Variants in KIF1B observed in about 807,000 individuals in gnomAD.
KIF1B encodes the protein kinesin-like protein KIF1B.
KIF1B carries 76 observed loss-of-function variants against 241.9 expected under a neutral mutation model. The ratio of observed to expected loss-of-function variants is 0.31; its 90% CI spans 0.26 to 0.38. The LOEUF is 0.38. Among genes scored for constraint, KIF1B ranks in the 10% least tolerant of loss-of-function variants. The pLI is 1.00. For synonymous variants in KIF1B, 750 were observed against 796.7 expected, an observed-to-expected ratio of 0.94 and a Z score of 0.99; for missense variants, 1,622 against 2,271.4, an observed-to-expected ratio of 0.71 and a Z score of 5.81.
In KIF1B at chr1:10,303,768, C is replaced by G; in HGVS notation, c.2115+6522C>G. On this transcript the variant is annotated intron_variant, in intron 22 of 48. Transcript: ENST00000676179. The surrounding 1 kb of genome is among the most constrained non-coding windows in gnomAD (Gnocchi z 5.2). The stretch of plus-strand genomic sequence containing the variant: ...AAATGGAAAAAGTCTTGCCACTGAT[C>G]GGATCTCAGGAACAGAAAAGCCCAG... 3.1e-6 allele frequency: 5 copies of G among 1,614,116 alleles called. No individual in the cohort carries two copies. The highest frequency in any genetic ancestry group is 1.1e-5 in the South Asian group (1 of 91,054).
At chr1:10,345,569 T>G in intron 34 of KIF1B, 1 of 419,762 alleles carries the variant, frequency 2.4e-6, no homozygotes. Context: ...CATGAGCACA[T>G]TTATTCTACA....
In KIF1B at chr1:10,234,687, A is replaced by G. The variant is rs867106078; in HGVS notation, c.106+2253A>G. The stretch of plus-strand genomic sequence containing the variant: ...CAGGCATGTGCCACTATGCCTGGCT[A>G]GTTTTTTTCTATTTTCTGTAGAGAC... On this transcript the variant is annotated intron_variant, in intron 2 of 48. Coordinates refer to ENST00000676179, the MANE Select transcript of KIF1B (RefSeq NM_001365951.3). Among the ~76,000 whole-genome samples the G allele has an allele frequency of 1.4e-4, 21 of 151,586 alleles. No homozygotes were observed. The Middle Eastern group carries it at 0.017, about 123-fold the overall frequency.
Position 10,343,297 on chromosome 1 carries a change from C to G in KIF1B, c.3688+10C>G, listed in dbSNP as rs755222148. 1.2e-6 allele frequency: 2 copies of G among 1,613,770 alleles called. No homozygotes were observed. Among genetic ancestry groups the G allele is most frequent in the Admixed American group, 1.7e-5 (1 of 60,020 alleles). On this transcript the variant is annotated intron_variant, in intron 34 of 48. Transcript: ENST00000676179. ...CCACTGTCCAAGCCAGGTGAGCACT[C>G]GCTCCGCTTTTTGCATGATGATCTC...
chr1:10,381,565 C>T lies in KIF1B; in HGVS notation c.*4978C>T, dbSNP rs139825641. On this transcript the variant is annotated 3_prime_UTR_variant, in exon 49 of 49. Coordinates refer to ENST00000676179, the MANE Select transcript of KIF1B (RefSeq NM_001365951.3). ...CTTGCGTCACGGAGCTGTTAGTGAA[C>T]GAGGTAAAAATAATAAAGGTACAGC... is the stretch of plus-strand genomic sequence containing the variant. 6 of 194,052 alleles carry T rather than the reference C, an allele frequency of 3.1e-5. No homozygotes were observed. Among genetic ancestry groups the T allele is most frequent in the South Asian group, 1.9e-4 (1 of 5,140 alleles). The allele number at this position is 194,052 out of a possible 1,614,324, so 12.0% of individuals were successfully genotyped here. A position where few individuals can be genotyped will look rare whatever the true frequency, so the allele number is the denominator to read the frequency against.
chr1:10,253,310 A>G (rs1647574426), intron 2 of KIF1B, among the ~76,000 whole-genome samples: 1 of 152,092 alleles, frequency 6.6e-6, no homozygotes, highest in Non-Finnish European at 1.5e-5. Context: ...AATGGGGGTA[A>G]TGAAACATCT....
At chr1:10,215,155 TATATATATATA>T (rs1646747241) in intron 1 of KIF1B, among the ~76,000 whole-genome samples, 1 of 66,330 alleles carries the variant, frequency 1.5e-5, no homozygotes, top group African/African-American at 1.0e-4. Flanking sequence ...TATATATATA[TATATATATATA>T]TATATATTTT....
chr1:10,318,793 G>A (rs555463124), intron 22 of KIF1B, among the ~76,000 whole-genome samples: 1 of 152,244 alleles, frequency 6.6e-6, no homozygotes, highest in African/African-American at 2.4e-5. Flanking sequence ...GTATTGCGCT[G>A]TTTGAAGGTC....
chr1:10,337,882 A>G lies in KIF1B; in HGVS notation c.3422+349A>G, dbSNP rs933734838. ...TGTCTTATTAATAAGCCTGAAAGCA[A>G]TGACTTATCTAGCTAGCAATTACGC... On this transcript the variant is annotated intron_variant, in intron 31 of 48. Coordinates refer to ENST00000676179, the MANE Select transcript of KIF1B (RefSeq NM_001365951.3). The surrounding 1 kb of genome is among the most constrained non-coding windows in gnomAD (Gnocchi z 4.0). Among the ~76,000 whole-genome samples the G allele has an allele frequency of 4.6e-5, 7 of 152,162 alleles. No homozygotes were observed. The highest frequency in any genetic ancestry group is 2.1e-4 in the South Asian group (1 of 4,830).
chr1:10,360,315 T>C (rs1266229248), intron 38 of KIF1B, among the ~76,000 whole-genome samples: 1 of 152,158 alleles, frequency 6.6e-6, no homozygotes, highest in Non-Finnish European at 1.5e-5. Context: ...CTTATCCATT[T>C]CATCTTAATC....
At chr1:10,284,021 GT>G (rs1649563778) in intron 15 of KIF1B, among the ~76,000 whole-genome samples, 1 of 152,178 alleles carries the variant, frequency 6.6e-6, no homozygotes, top group South Asian at 2.1e-4. Flanking sequence ...GAAGAAAGAG[GT>G]TCTGCTTTTT....
intron 15 of KIF1B, among the ~76,000 whole-genome samples, chr1:10,288,856 T>C (rs1569719202): frequency 6.6e-6 from 1 of 152,214 alleles, no homozygotes; most frequent in South Asian, 2.1e-4. Flanking sequence ...GTTTTTTGTT[T>C]TGAGGTGACA....
chr1:10,309,911 G>GA (rs1650995049), intron 22 of KIF1B, among the ~76,000 whole-genome samples: 1 of 150,710 alleles, frequency 6.6e-6, no homozygotes, highest in Non-Finnish European at 1.5e-5. Flanking sequence ...TTTGTTCCTT[G>GA]TATATGCCAA....
chr1:10,297,383 G>T, intron 22 of KIF1B, 137 bp downstream of exon 22: 1 of 831,930 alleles, frequency 1.2e-6, no homozygotes, highest in Non-Finnish European at 2.1e-6. Flanking sequence ...TTCCTTAATG[G>T]AGAATGAACT....
rs765310930 is a variant in KIF1B, at chr1:10,379,141, A to G, written c.*2554A>G. ...AAATTAAGTCATTGATGCTGCTGTTACAGAGTGTGACAGAGGATCCATGTC... is the reference window on the plus strand; with the variant it reads ...AAATTAAGTCATTGATGCTGCTGTTGCAGAGTGTGACAGAGGATCCATGTC... On this transcript the variant is annotated 3_prime_UTR_variant, in exon 49 of 49. Coordinates refer to ENST00000676179, the MANE Select transcript of KIF1B (RefSeq NM_001365951.3). The G allele has an allele frequency of 1.3e-5, 3 of 232,004 alleles. No homozygotes were observed. Among genetic ancestry groups the G allele is most frequent in the Non-Finnish European group, 2.6e-5 (3 of 117,034 alleles). 14.4% of individuals were successfully genotyped at this position (232,004 alleles called of 1,614,324 possible).
At chr1:10,267,597 A>C (rs1557676718) in intron 6 of KIF1B, 39 bp downstream of exon 6, 2 of 1,601,292 alleles carry the variant, frequency 1.2e-6, no homozygotes, top group Non-Finnish European at 1.7e-6. Context: ...GGTCTTTGGC[A>C]CCTTTTGAGG....
At position 10,378,296 on chromosome 1, in the gene KIF1B, A is replaced by G; in HGVS notation, c.*1709A>G. Reference sequence around the variant, plus strand: ...GGTGTGGAAACACTGCCCAGGGAGAAAGGAGGAAGCTCACTGTGGACAGTC... The same window carrying G: ...GGTGTGGAAACACTGCCCAGGGAGAGAGGAGGAAGCTCACTGTGGACAGTC... On this transcript the variant is annotated 3_prime_UTR_variant, in exon 49 of 49. Coordinates refer to ENST00000676179, the MANE Select transcript of KIF1B (RefSeq NM_001365951.3). 1 of 717,644 alleles carries G rather than the reference A, an allele frequency of 1.4e-6. No individual in the cohort carries two copies. The highest frequency in any genetic ancestry group is 2.7e-5 in the East Asian group (1 of 37,288). The allele number at this position is 717,644 out of a possible 1,614,324, so 44.5% of individuals were successfully genotyped here.
At position 10,357,565 on chromosome 1, in the gene KIF1B, A is replaced by G. The variant is rs1569889629; in HGVS notation, c.4056-3364A>G. 3.3e-5 allele frequency among the ~76,000 whole-genome samples: 5 copies of G among 151,876 alleles called. No homozygotes were observed. The East Asian group carries it at 9.6e-4, about 29-fold the overall frequency. ...CCTGGGCAATGTAGAACTTGTCTCT[A>G]AAGAAAAAAAAAAATTAATTAGCCG... On this transcript the variant is annotated intron_variant, in intron 38 of 48. Coordinates refer to ENST00000676179, the MANE Select transcript of KIF1B (RefSeq NM_001365951.3).
intron 6 of KIF1B, 151 bp downstream of exon 6, chr1:10,267,709 G>T: frequency 1.4e-6 from 1 of 710,306 alleles, no homozygotes; most frequent in Non-Finnish European, 2.5e-6. Context: ...AACAGTGAGG[G>T]CTTCAGAGTG....
Position 10,278,091 on chromosome 1 carries a change from C to A in KIF1B, c.1143C>A (p.Asp381Glu), listed in dbSNP as rs756411424. Reference sequence around the variant, plus strand: ...AGGAGGAGGTGACACGGCTGAAGGACCTTCTTCGTGCTCAGGGCCTGGGAG... The same window carrying A: ...AGGAGGAGGTGACACGGCTGAAGGAACTTCTTCGTGCTCAGGGCCTGGGAG... ...ELKEEVTRLK[D>E]LLRAQGLGDI... Residue 381 changes from aspartate to glutamate, a missense_variant, in exon 13 of 49, where the codon GAC (aspartate) becomes GAA (glutamate). By Grantham distance (45) the Asp-to-Glu change is conservative (BLOSUM62 2). Around this residue, in one of 7 missense-constraint regions of KIF1B, gnomAD observed 201 missense variants for 301.2 expected, o/e 0.67. Coordinates refer to ENST00000676179, the MANE Select transcript of KIF1B (RefSeq NM_001365951.3). 3 of 1,613,868 alleles carry A rather than the reference C, an allele frequency of 1.9e-6. No individual in the cohort carries two copies. The African/African-American group carries it at 4.0e-5, about 22-fold the overall frequency.
Sources: gnomAD v4.1 joint callset for allele counts (sites outside exome capture counted in the v4.1 genomes callset) on GRCh38, gnomAD v4.1.1 for gene constraint, gnomAD v4.1.1 regional missense constraint, Gnocchi (gnomAD v3.1) non-coding constraint, MANE v1.5 for transcripts, NCBI Gene and HGNC (gene_info 2026-07-23, HGNC 2026-07-21) for gene names.